The following STK32B variants were observed in gnomAD, a reference collection of about 807,000 sequenced individuals.
STK32B encodes serine/threonine-protein kinase 32B.
STK32B carries 43 observed loss-of-function variants against 52.6 expected under a neutral mutation model. The ratio of observed to expected loss-of-function variants is 0.82; its 90% CI spans 0.64 to 1.05. The LOEUF is 1.05. Ranked by LOEUF, STK32B falls within the 50% of genes least tolerant of loss-of-function variation. STK32B has a pLI of 0.00. For missense variants in STK32B, 621 were observed against 534.6 expected, an observed-to-expected ratio of 1.16 and a Z score of -1.59; for synonymous variants, 238 against 204.3, an observed-to-expected ratio of 1.17 and a Z score of -1.41.
At chr4:5,078,571 T>C (rs1712221726) in intron 1 of STK32B, among the ~76,000 whole-genome samples, 1 of 152,224 alleles carries the variant, frequency 6.6e-6, no homozygotes, top group Non-Finnish European at 1.5e-5. Flanking sequence ...TCCGAACCTG[T>C]CTGAGCTCCA....
intron 2 of STK32B, among the ~76,000 whole-genome samples, chr4:5,162,491 C>G (rs1403977834): frequency 6.6e-6 from 1 of 152,184 alleles, no homozygotes; most frequent in Non-Finnish European, 1.5e-5. Context: ...GACTCAGGAT[C>G]CATTCCCAAA....
At chr4:5,125,875 C>T (rs947731600) in intron 1 of STK32B, among the ~76,000 whole-genome samples, 1 of 152,210 alleles carries the variant, frequency 6.6e-6, no homozygotes, top group Non-Finnish European at 1.5e-5. Context: ...GAAGGGGCTG[C>T]CTCTTATTCC....
intron 3 of STK32B, among the ~76,000 whole-genome samples, chr4:5,186,345 T>A (rs926112799): frequency 2.8e-4 from 42 of 152,148 alleles, no homozygotes; most frequent in Non-Finnish European, 4.4e-5. Context: ...ACCTTATTCA[T>A]CTCTGTCTCC....
chr4:5,118,914 C>G (rs745625216), intron 1 of STK32B, among the ~76,000 whole-genome samples: 1 of 152,194 alleles, frequency 6.6e-6, no homozygotes, highest in Non-Finnish European at 1.5e-5. Context: ...ATGGCAGCCT[C>G]AGCACCATAG....
chr4:5,314,248 A>G (rs534672027), intron 3 of STK32B, among the ~76,000 whole-genome samples: 2 of 152,322 alleles, frequency 1.3e-5, no homozygotes, highest in Non-Finnish European at 2.9e-5. Context: ...TTTGAACTAC[A>G]CAAATATGCC....
intron 1 of STK32B, among the ~76,000 whole-genome samples, chr4:5,114,364 C>G (rs986884559): frequency 6.6e-6 from 1 of 152,032 alleles, no homozygotes; most frequent in African/African-American, 2.4e-5. Context: ...GATGTATTTC[C>G]TCCCATAAAA....
chr4:5,491,354 T>C (rs900608298), intron 11 of STK32B, among the ~76,000 whole-genome samples: 2 of 152,214 alleles, frequency 1.3e-5, no homozygotes, highest in Non-Finnish European at 2.9e-5. Flanking sequence ...TTTCATGTGT[T>C]TTTTGGCTGC....
chr4:5,446,817 A>G, intron 7 of STK32B, 41 bp downstream of exon 7: 2 of 1,597,732 alleles, frequency 1.3e-6, no homozygotes, highest in Non-Finnish European at 1.7e-6. Context: ...GGGGCTGTGC[A>G]GTGGGGGCTC....
intron 3 of STK32B, among the ~76,000 whole-genome samples, chr4:5,230,106 C>T (rs182022116): frequency 4.0e-5 from 6 of 151,460 alleles, no homozygotes; most frequent in South Asian, 2.1e-4. Flanking sequence ...AGTGATTCTC[C>T]TGCCTCAGCC....
chr4:5,217,073 G>A (rs562136745), intron 3 of STK32B, among the ~76,000 whole-genome samples: 1 of 152,290 alleles, frequency 6.6e-6, no homozygotes, highest in South Asian at 2.1e-4. Flanking sequence ...CAGCAAAACC[G>A]AACTTATGTG....
At chr4:5,173,075 A>C (rs1004140044) in intron 3 of STK32B, among the ~76,000 whole-genome samples, 3 of 152,198 alleles carry the variant, frequency 2.0e-5, no homozygotes, top group African/African-American at 7.2e-5. Flanking sequence ...CATTTCTTCT[A>C]GATTTTCTAG....
chr4:5,104,940 A>G (rs1363962472), intron 1 of STK32B, among the ~76,000 whole-genome samples: 2 of 152,242 alleles, frequency 1.3e-5, no homozygotes, highest in Non-Finnish European at 2.9e-5. Context: ...TGATAATAGA[A>G]TAGCACTCAT....
intron 1 of STK32B, among the ~76,000 whole-genome samples, chr4:5,078,666 A>C (rs1712225914): frequency 1.3e-5 from 2 of 152,114 alleles, no homozygotes. Context: ...TTCAGAGAGA[A>C]TTTTGGGGAC....
intron 6 of STK32B, among the ~76,000 whole-genome samples, chr4:5,419,898 A>T (rs894366715): frequency 3.3e-5 from 5 of 152,252 alleles, no homozygotes; most frequent in African/African-American, 1.2e-4. Flanking sequence ...AAGTTTGACT[A>T]TAAATACCTG....
intron 1 of STK32B, among the ~76,000 whole-genome samples, chr4:5,121,605 A>G (rs544511287): frequency 1.2e-4 from 18 of 152,226 alleles, no homozygotes; most frequent in South Asian, 2.1e-4. Flanking sequence ...AACAGCAGGC[A>G]TAATTTGTTG....
At chr4:5,057,317 G>C (rs16836581) in intron 1 of STK32B, among the ~76,000 whole-genome samples, 3 of 152,082 alleles carry the variant, frequency 2.0e-5, no homozygotes, top group Non-Finnish European at 1.5e-5. Context: ...CAGAGAACTG[G>C]TTTTTCAGCG....
intron 4 of STK32B, among the ~76,000 whole-genome samples, chr4:5,353,901 T>C (rs1734007812): frequency 6.6e-6 from 1 of 152,154 alleles, no homozygotes; most frequent in South Asian, 2.1e-4. Flanking sequence ...GAAAAGGAAA[T>C]GAATCAGTAT....
chr4:5,215,309 G>T (rs1222091958), intron 3 of STK32B, among the ~76,000 whole-genome samples: 2 of 152,140 alleles, frequency 1.3e-5, no homozygotes, highest in Non-Finnish European at 2.9e-5. Flanking sequence ...CTTATGGTTG[G>T]TTGGGAGTTT....
rs1346387698 is a variant in STK32B at position 5,112,140 on chromosome 4, C to T, written c.53-27765C>T. Reference sequence around the variant, plus strand: ...TGCAGGGCAGAAGGGGTTCTCACTACAAGAGAATGCCCTACAGCAAAGAGA... The same window carrying T: ...TGCAGGGCAGAAGGGGTTCTCACTATAAGAGAATGCCCTACAGCAAAGAGA... On this transcript the variant is annotated intron_variant, in intron 1 of 11. Coordinates refer to ENST00000282908, the MANE Select transcript of STK32B (RefSeq NM_018401.3). 3.3e-5 allele frequency among the ~76,000 whole-genome samples: 5 copies of T among 152,070 alleles called. No homozygotes were observed. The East Asian group carries it at 9.6e-4, about 29-fold the overall frequency.
Sources: gnomAD v4.1 joint callset for allele counts (sites outside exome capture counted in the v4.1 genomes callset) on GRCh38, gnomAD v4.1.1 for gene constraint, MANE v1.5 for transcripts, NCBI Gene and HGNC (gene_info 2026-07-23, HGNC 2026-07-21) for gene names.